ZNF774: variants seen among roughly 807,000 people sequenced by gnomAD.
The protein encoded by ZNF774 is zinc finger protein 774.
ZNF774 carries 14 observed loss-of-function variants against 11.1 expected under a neutral mutation model. The ratio of observed to expected loss-of-function variants is 1.26; its 90% CI spans 0.83 to 1.97. The LOEUF is 1.97. Ranked by LOEUF, ZNF774 falls within the 30% of genes most tolerant of loss-of-function variation. The pLI is 0.00. For synonymous variants in ZNF774, 195 were observed against 212.6 expected (o/e 0.92, Z 0.72); for missense variants, 599 against 587.0 (o/e 1.02, Z -0.21).
chr15:90,362,668 C>T lies in ZNF774; in HGVS notation c.*1385C>T, dbSNP rs1964352896. 14 of 1,321,968 alleles carry T rather than the reference C, an allele frequency of 1.1e-5. No individual in the cohort carries two copies. Among genetic ancestry groups the T allele is most frequent in the East Asian group, 2.5e-5 (1 of 39,812 alleles). 81.9% of individuals were successfully genotyped at this position (1,321,968 alleles called of 1,614,324 possible). ...TAAAGTATTTGAGTCCTGGCCCTGA[C>T]GCTTAATTTGGCCAGACTTTCATCT... is the stretch of plus-strand genomic sequence containing the variant. On this transcript the variant is annotated 3_prime_UTR_variant, in exon 4 of 4. Transcript: ENST00000354377.
At position 90,360,234 on chromosome 15, in the gene ZNF774, C is replaced by T; in HGVS notation, c.403C>T (p.Gln135Ter). The change falls in exon 4 of 4, where the codon CAG (glutamine) becomes TAG (stop). Residue 135 changes from glutamine to a stop codon, truncating the protein, a stop_gained. Transcript: ENST00000354377. LOFTEE classifies it low-confidence loss of function (END_TRUNC). Reference sequence around the variant, plus strand: ...AGAGGGCCAGCTGGAGTCCTTTTCACAGGAGAGGGATTTAAACAAGCTCCT... The same window carrying T: ...AGAGGGCCAGCTGGAGTCCTTTTCATAGGAGAGGGATTTAAACAAGCTCCT... ...PGEGQLESFSQERDLNKLLDG... is the reference protein window; with the variant it reads ...PGEGQLESFS 1 of 1,614,190 alleles carries T rather than the reference C, an allele frequency of 6.2e-7. No homozygotes were observed. Among genetic ancestry groups the T allele is most frequent in the South Asian group, 1.1e-5 (1 of 91,082 alleles).
Position 90,360,149 on chromosome 15 carries a change from T to C in ZNF774, c.318T>C (p.Ser106=), listed in dbSNP as rs766612240. ...ATAAAGATCTTTCTCATACTCTTAG[T>C]TGGGGAGGAAACTGGGAGCAAGGCC... ...RTNKDLSHTL[S]WGGNWEQGLE... is the part of the protein sequence containing the mutation. Residue 106 remains serine, a synonymous_variant, in exon 4 of 4, where the codon AGT becomes AGC. Coordinates refer to ENST00000354377, the MANE Select transcript of ZNF774 (RefSeq NM_001004309.3). 33 of 1,613,940 alleles carry C rather than the reference T, an allele frequency of 2.0e-5. No homozygotes were observed. The highest frequency in any genetic ancestry group is 2.8e-5 in the Non-Finnish European group (33 of 1,180,022).
Position 90,354,653 on chromosome 15 carries a change from G to T in ZNF774, c.-8G>T, listed in dbSNP as rs8042825. On this transcript the variant is annotated 5_prime_UTR_variant, in exon 2 of 4. Coordinates refer to ENST00000354377, the MANE Select transcript of ZNF774 (RefSeq NM_001004309.3). ...GTCTCTTGCTTTAGGAACTGATGAC[G>T]CTTGATAATGTGGCTGGGGACTTCA... 1.3e-6 allele frequency: 2 copies of T among 1,599,290 alleles called. No homozygotes were observed. Among genetic ancestry groups the T allele is most frequent in the Non-Finnish European group, 1.7e-6 (2 of 1,170,898 alleles).
In ZNF774 at chr15:90,362,558, A is replaced by T. The variant is rs1964351261; in HGVS notation, c.*1275A>T. 1.3e-6 allele frequency: 2 copies of T among 1,535,860 alleles called. No homozygotes were observed. Among genetic ancestry groups the T allele is most frequent in the African/African-American group, 2.7e-5 (2 of 73,038 alleles). On this transcript the variant is annotated 3_prime_UTR_variant, in exon 4 of 4. Coordinates refer to ENST00000354377, the MANE Select transcript of ZNF774 (RefSeq NM_001004309.3). ...TGATCCTTTTAGGGCCATCCAGGTTATGCACTAGTACATTCCTACATTCAA... is the reference window on the plus strand; with the variant it reads ...TGATCCTTTTAGGGCCATCCAGGTTTTGCACTAGTACATTCCTACATTCAA...
intron 1 of ZNF774, among the ~76,000 whole-genome samples, chr15:90,352,623 G>T (rs775063772): frequency 6.6e-6 from 1 of 152,126 alleles, no homozygotes. Context: ...CTTGCTTCTC[G>T]ATGGTGGTCC....
chr15:90,362,427 A>C lies in ZNF774; in HGVS notation c.*1144A>C. ...TGGAAGCAAAATTGCTGAGAATGTC[A>C]AATGATATTACAGGGATCCTCCCTG... On this transcript the variant is annotated 3_prime_UTR_variant, in exon 4 of 4. Transcript: ENST00000354377. 2 of 932,858 alleles carry C rather than the reference A, an allele frequency of 2.1e-6. No individual in the cohort carries two copies. Among genetic ancestry groups the C allele is most frequent in the Non-Finnish European group, 3.3e-6 (2 of 611,038 alleles). The allele number at this position is 932,858 out of a possible 1,614,324, so 57.8% of individuals were successfully genotyped here. A position where few individuals can be genotyped will look rare whatever the true frequency, so the allele number is the denominator to read the frequency against.
intron 2 of ZNF774, among the ~76,000 whole-genome samples, chr15:90,357,715 G>T (rs1384663896): frequency 3.9e-5 from 6 of 152,140 alleles, no homozygotes; most frequent in African/African-American, 1.4e-4. Context: ...GGGATTACAG[G>T]TGTGCACCAC....
Position 90,358,954 on chromosome 15 carries a change from A to C in ZNF774, c.208A>C (p.Thr70Pro). ...GAGGAAGATCCCGAGGGAAAGCCAC[A>C]CAGGTGAGATGTGAGTGCTCCCCAG... ...EARKIPRESHTDCEHQVAKLN... is the reference protein window; with the variant it reads ...EARKIPRESHPDCEHQVAKLN... The change falls in exon 3 of 4, where the codon ACA becomes CCA. Residue 70 changes from threonine to proline, a missense_variant. By Grantham distance (38) the Thr-to-Pro change is conservative. Transcript: ENST00000354377. 1.9e-6 allele frequency: 3 copies of C among 1,612,664 alleles called. No homozygotes were observed. The South Asian group carries it at 3.3e-5, about 18-fold the overall frequency.
rs1567102556 is a variant in ZNF774 at position 90,360,688 on chromosome 15, CAG to C, written c.858_859del (p.Val288GlufsTer6). On this transcript the variant is annotated frameshift_variant, in exon 4 of 4. Transcript: ENST00000354377. LOFTEE classifies it low-confidence loss of function (END_TRUNC). ...TTCATCACTCACCAGAGGACCCACACAGGGGTGAAGCCTTACAGGTGTAATGA... is the reference window on the plus strand; with the variant it reads ...TTCATCACTCACCAGAGGACCCACACGGGTGAAGCCTTACAGGTGTAATGA... 1 of 1,614,224 alleles carries C rather than the reference CAG, an allele frequency of 6.2e-7. No individual in the cohort carries two copies. Among genetic ancestry groups the C allele is most frequent in the East Asian group, 2.2e-5 (1 of 44,886 alleles).
chr15:90,353,425 AGTGTGTGTGTGTGTGTGT>A (rs56080142), intron 1 of ZNF774, among the ~76,000 whole-genome samples: 2 of 139,350 alleles, frequency 1.4e-5, no homozygotes, highest in Non-Finnish European at 3.1e-5. Context: ...TTCCCCCAAA[AGTGTGTGTGTGTGTGTGT>A]GTGTGTGTGT....
At position 90,361,143 on chromosome 15, in the gene ZNF774, A is replaced by G; in HGVS notation, c.1312A>G (p.Lys438Glu). ...GCCCTATCGATGTCCTGAGTGTGGC[A>G]AGACCTTCAATCAGCGTTCCCATTT... ...DRPYRCPECG[K>E]TFNQRSHFLT... The change falls in exon 4 of 4, where the codon AAG becomes GAG. Residue 438 changes from lysine to glutamate, a missense_variant. Lys to Glu is a moderately conservative substitution (Grantham distance 56). Coordinates refer to ENST00000354377, the MANE Select transcript of ZNF774 (RefSeq NM_001004309.3). 1 of 1,611,088 alleles carries G rather than the reference A, an allele frequency of 6.2e-7. No homozygotes were observed. The highest frequency in any genetic ancestry group is 8.5e-7 in the Non-Finnish European group (1 of 1,177,044).
chr15:90,359,280 G>C (rs1009612334), intron 3 of ZNF774, among the ~76,000 whole-genome samples: 1 of 149,410 alleles, frequency 6.7e-6, no homozygotes, highest in African/African-American at 2.5e-5. Flanking sequence ...CACCTTGTTA[G>C]CCAGGATGGT....
At chr15:90,359,319 G>A (rs1014426120) in intron 3 of ZNF774, among the ~76,000 whole-genome samples, 6 of 151,588 alleles carry the variant, frequency 4.0e-5, no homozygotes, top group South Asian at 2.1e-4. Flanking sequence ...TGATCCACCC[G>A]CCTCGGCCTC....
At chr15:90,355,099 G>A (rs776120195) in intron 2 of ZNF774, among the ~76,000 whole-genome samples, 10 of 152,210 alleles carry the variant, frequency 6.6e-5, no homozygotes, top group African/African-American at 2.4e-5. Context: ...GATTATGGGC[G>A]CCACCATGCC....
chr15:90,362,518 G>C lies in ZNF774; in HGVS notation c.*1235G>C. 2.6e-6 allele frequency: 4 copies of C among 1,534,642 alleles called. No individual in the cohort carries two copies. Among genetic ancestry groups the C allele is most frequent in the Non-Finnish European group, 3.5e-6 (4 of 1,145,654 alleles). On this transcript the variant is annotated 3_prime_UTR_variant, in exon 4 of 4. Transcript: ENST00000354377. ...TGGGTCATTGGCCATTTAGTTTTAG[G>C]TTAATATAATTCTCTGATCCTTTTA...
chr15:90,355,144 A>T (rs1964226624), intron 2 of ZNF774, among the ~76,000 whole-genome samples: 1 of 152,148 alleles, frequency 6.6e-6, no homozygotes. Context: ...AGACTTAGAT[A>T]TTTGGAGAGG....
In ZNF774 at chr15:90,362,746, AATACACACAC is replaced by A; in HGVS notation, c.*1465_*1474del. ...CACAAGGTTGTTGTGAGGATCTAAAAATACACACACACACACACACACACACACACACACA... is the reference window on the plus strand; with the variant it reads ...CACAAGGTTGTTGTGAGGATCTAAAAACACACACACACACACACACACACA... On this transcript the variant is annotated 3_prime_UTR_variant, in exon 4 of 4. Transcript: ENST00000354377. The A allele has an allele frequency of 1.8e-6, 1 of 570,664 alleles. No homozygotes were observed. Among genetic ancestry groups the A allele is most frequent in the Non-Finnish European group, 3.0e-6 (1 of 330,778 alleles). 35.4% of individuals were successfully genotyped at this position (570,664 alleles called of 1,614,324 possible).
At chr15:90,355,428 T>C (rs1369737134) in intron 2 of ZNF774, 1 of 455,976 alleles carries the variant, frequency 2.2e-6, no homozygotes, top group Non-Finnish European at 4.4e-6. Context: ...TAATTTTTTC[T>C]GTCACTTAAA....
In ZNF774 at chr15:90,360,655, G is replaced by A. The variant is rs751078512; in HGVS notation, c.824G>A (p.Ser275Asn). The change falls in exon 4 of 4, where the codon AGC becomes AAC. Residue 275 changes from serine (S) to asparagine (N), a missense_variant. Physicochemically the swap from Ser to Asn is conservative, Grantham distance 46. Coordinates refer to ENST00000354377, the MANE Select transcript of ZNF774 (RefSeq NM_001004309.3). ...CLECHKSFSR[S>N]SNFITHQRTH... Reference sequence around the variant, plus strand: ...GAATGTCACAAAAGCTTCAGTCGAAGCTCAAATTTCATCACTCACCAGAGG... The same window carrying A: ...GAATGTCACAAAAGCTTCAGTCGAAACTCAAATTTCATCACTCACCAGAGG... The A allele has an allele frequency of 1.1e-5, 18 of 1,614,072 alleles. No homozygotes were observed. The South Asian group carries it at 1.8e-4, about 16-fold the overall frequency.
Sources: gnomAD v4.1 joint callset for allele counts (sites outside exome capture counted in the v4.1 genomes callset) on GRCh38, gnomAD v4.1.1 for gene constraint, MANE v1.5 for transcripts, NCBI Gene and HGNC (gene_info 2026-07-23, HGNC 2026-07-21) for gene names.